Variants in SUMF1 observed in about 807,000 individuals in gnomAD.
SUMF1 encodes the protein formylglycine-generating enzyme.
A neutral mutation model predicts 47.6 loss-of-function variants in SUMF1; 48 were observed. That is an observed-to-expected ratio of 1.01 (90% CI 0.80 to 1.28). The LOEUF is 1.28. Ranked by LOEUF, SUMF1 falls within the 50% of genes most tolerant of loss-of-function variation. The pLI, the probability that SUMF1 is intolerant of heterozygous loss-of-function variation, is 0.00. For synonymous variants in SUMF1, 230 were observed against 192.1 expected (o/e 1.20, Z -1.63); for missense variants, 571 against 485.4 (o/e 1.18, Z -1.66).
intron 8 of SUMF1, among the ~76,000 whole-genome samples, chr3:4,100,450 C>T (rs779180838): frequency 1.3e-5 from 2 of 151,846 alleles, no homozygotes; most frequent in Admixed American, 1.3e-4. Flanking sequence ...AAGATGGTCT[C>T]GTCAATAAAT....
At chr3:4,385,200 T>C (rs746003297) in intron 7 of SUMF1, among the ~76,000 whole-genome samples, 2 of 152,208 alleles carry the variant, frequency 1.3e-5, no homozygotes, top group Non-Finnish European at 2.9e-5. Flanking sequence ...GTTTAGGTTT[T>C]AAAGAAAACG....
chr3:4,264,957 G>A (rs990193558), intron 8 of SUMF1, among the ~76,000 whole-genome samples: 1 of 151,862 alleles, frequency 6.6e-6, no homozygotes, highest in Non-Finnish European at 1.5e-5. Context: ...AACATTGTGA[G>A]ACCCTATCTC....
chr3:4,068,354 G>T (rs1157645745), intron 9 of SUMF1, among the ~76,000 whole-genome samples: 1 of 152,010 alleles, frequency 6.6e-6, no homozygotes, highest in Non-Finnish European at 1.5e-5. Context: ...AATATAATGT[G>T]AGCCACATTA....
intron 8 of SUMF1, among the ~76,000 whole-genome samples, chr3:4,176,101 T>C (rs1694954099): frequency 6.6e-6 from 1 of 152,152 alleles, no homozygotes; most frequent in Non-Finnish European, 1.5e-5. Context: ...GGAACCAAGA[T>C]GGAAAACACT....
At chr3:4,062,380 A>G (rs1695291351) in intron 9 of SUMF1, among the ~76,000 whole-genome samples, 1 of 152,152 alleles carries the variant, frequency 6.6e-6, no homozygotes, top group South Asian at 2.1e-4. Context: ...TGCTACTGTG[A>G]GGGTCACACC....
chr3:4,274,405 G>T (rs1397485900), intron 8 of SUMF1, among the ~76,000 whole-genome samples: 1 of 152,116 alleles, frequency 6.6e-6, no homozygotes, highest in East Asian at 1.9e-4. Flanking sequence ...CACTGTACTT[G>T]TTATATATTA....
intron 8 of SUMF1, chr3:4,317,076 C>T (rs755441931): frequency 2.6e-6 from 4 of 1,549,022 alleles, no homozygotes; most frequent in Non-Finnish European, 3.5e-6. Flanking sequence ...CGTCTTTAAG[C>T]ATCTCAACAA....
At chr3:4,170,082 A>C (rs1478933365) in intron 8 of SUMF1, among the ~76,000 whole-genome samples, 4 of 152,182 alleles carry the variant, frequency 2.6e-5, no homozygotes, top group Admixed American at 6.5e-5. Flanking sequence ...CCCCCACCCC[A>C]TCTGTTTTTG....
At chr3:4,263,949 T>G (rs1299616697) in intron 8 of SUMF1, among the ~76,000 whole-genome samples, 1 of 152,224 alleles carries the variant, frequency 6.6e-6, no homozygotes, top group Non-Finnish European at 1.5e-5. Flanking sequence ...ATAGACTTGT[T>G]CCTCTATAAA....
chr3:4,165,642 G>C (rs963077060), intron 8 of SUMF1, among the ~76,000 whole-genome samples: 1 of 152,064 alleles, frequency 6.6e-6, no homozygotes, highest in Non-Finnish European at 1.5e-5. Flanking sequence ...CTGCAGGATA[G>C]TATTGTAATT....
At chr3:4,085,834 T>C (rs1335253948) in intron 8 of SUMF1, among the ~76,000 whole-genome samples, 1 of 151,930 alleles carries the variant, frequency 6.6e-6, no homozygotes, top group East Asian at 1.9e-4. Context: ...CATTATACTA[T>C]ACACCTTTCC....
intron 8 of SUMF1, among the ~76,000 whole-genome samples, chr3:4,207,555 T>A (rs1695680387): frequency 6.6e-6 from 1 of 152,186 alleles, no homozygotes; most frequent in Admixed American, 6.5e-5. Flanking sequence ...ATATTTCTAT[T>A]GAGATCATTA....
At chr3:4,300,216 C>G (rs907718865) in intron 8 of SUMF1, among the ~76,000 whole-genome samples, 3 of 152,188 alleles carry the variant, frequency 2.0e-5, no homozygotes, top group Admixed American at 2.0e-4. Context: ...AACCCCCACT[C>G]TCTCTCACTG....
intron 8 of SUMF1, among the ~76,000 whole-genome samples, chr3:4,072,607 A>C (rs1179064841): frequency 2.0e-5 from 3 of 152,176 alleles, no homozygotes; most frequent in African/African-American, 7.2e-5. Flanking sequence ...AGGAATGGCT[A>C]ACTAGAATAA....
At chr3:4,269,094 T>C (rs1697255920) in intron 8 of SUMF1, among the ~76,000 whole-genome samples, 1 of 152,216 alleles carries the variant, frequency 6.6e-6, no homozygotes, top group Admixed American at 6.5e-5. Flanking sequence ...GTGATGATCC[T>C]TGCCTCATAC....
At chr3:4,181,006 G>A (rs1050830050) in intron 8 of SUMF1, among the ~76,000 whole-genome samples, 6 of 152,096 alleles carry the variant, frequency 3.9e-5, no homozygotes, top group African/African-American at 1.4e-4. Flanking sequence ...AACTCTGGGG[G>A]TTAGTGAATC....
chr3:4,175,249 C>T (rs551355238), intron 8 of SUMF1, among the ~76,000 whole-genome samples: 36 of 152,276 alleles, frequency 2.4e-4, no homozygotes, highest in East Asian at 7.7e-4. Context: ...CCCTGACCCC[C>T]GTGTAGCCTA....
chr3:4,156,809 CAA>C (rs1381065308), intron 8 of SUMF1, among the ~76,000 whole-genome samples: 1 of 151,670 alleles, frequency 6.6e-6, no homozygotes, highest in African/African-American at 2.4e-5. Context: ...GAGTTCAACT[CAA>C]AGAGTGTATC....
At position 4,150,340 on chromosome 3, in the gene SUMF1, T is replaced by C. The variant is rs1694290090; in HGVS notation, c.1015-81595A>G. Among the ~76,000 whole-genome samples, 3 of 151,454 alleles carry C rather than the reference T, an allele frequency of 2.0e-5. 1 individual carries two copies. The highest frequency in any genetic ancestry group is 1.3e-4 in the Admixed American group (2 of 15,252). Reference sequence around the variant, plus strand: ...ACTTTGGGAGGCCGAGGCAGGTGGATTGCCTGAGCTCAGGAGTTTGCGACC... The same window carrying C: ...ACTTTGGGAGGCCGAGGCAGGTGGACTGCCTGAGCTCAGGAGTTTGCGACC... On this transcript the variant is annotated intron_variant and NMD_transcript_variant, in intron 8 of 12. Coordinates refer to the SUMF1 transcript ENST00000448413.
Sources: gnomAD v4.1 joint callset for allele counts (sites outside exome capture counted in the v4.1 genomes callset) on GRCh38, gnomAD v4.1.1 for gene constraint, MANE v1.5 for transcripts, NCBI Gene and HGNC (gene_info 2026-07-23, HGNC 2026-07-21) for gene names.